ROBO2: variants seen among roughly 807,000 people sequenced by gnomAD.
ROBO2 encodes the protein roundabout guidance receptor 2.
ROBO2 carries 53 observed loss-of-function variants against 160.8 expected under a neutral mutation model. That is an observed-to-expected ratio of 0.33 (90% confidence interval 0.26 to 0.41). The LOEUF is 0.41. Ranked by LOEUF, ROBO2 falls within the 10% of genes least tolerant of loss-of-function variation. The pLI, the probability that ROBO2 is intolerant of heterozygous loss-of-function variation, is 1.00. For missense variants in ROBO2, 1,577 were observed against 1,722.4 expected (o/e 0.92, Z 1.49); for synonymous variants, 664 against 611.7 (o/e 1.09, Z -1.26).
intron 2 of ROBO2, among the ~76,000 whole-genome samples, chr3:75,990,942 C>T (rs977282037): frequency 6.6e-6 from 1 of 152,070 alleles, no homozygotes. Flanking sequence ...CACTGAGGTC[C>T]TAAATAGAAC....
chr3:77,231,781 G>A (rs192907350), intron 2 of ROBO2, among the ~76,000 whole-genome samples: 20 of 151,952 alleles, frequency 1.3e-4, no homozygotes, highest in Admixed American at 9.8e-4. Flanking sequence ...TTCTCTCCAC[G>A]GATTCTTTGT....
chr3:77,096,785 TTTTATTGCA>T (rs2071132231), intron 1 of ROBO2, among the ~76,000 whole-genome samples: 1 of 152,168 alleles, frequency 6.6e-6, no homozygotes. Context: ...ATGGCCCCAC[TTTTATTGCA>T]TTCACAGGGA....
intron 2 of ROBO2, among the ~76,000 whole-genome samples, chr3:76,442,081 T>C (rs2076948383): frequency 6.6e-6 from 1 of 152,146 alleles, no homozygotes. Flanking sequence ...GACCATTTTC[T>C]CACAGGGCAG....
At chr3:76,104,755 C>A (rs542412744) in intron 2 of ROBO2, among the ~76,000 whole-genome samples, 7 of 152,208 alleles carry the variant, frequency 4.6e-5, no homozygotes, top group African/African-American at 1.7e-4. Context: ...TGATGGAGGG[C>A]TAATTAGATG....
At chr3:75,952,592 T>G (rs1477898257) in intron 2 of ROBO2, among the ~76,000 whole-genome samples, 2 of 151,982 alleles carry the variant, frequency 1.3e-5, no homozygotes, top group Admixed American at 6.6e-5. Flanking sequence ...CTTGCGATAG[T>G]GTGGTACATT....
At chr3:77,580,674 A>T (rs2093894252) in intron 16 of ROBO2, among the ~76,000 whole-genome samples, 1 of 152,132 alleles carries the variant, frequency 6.6e-6, no homozygotes, top group African/African-American at 2.4e-5. Context: ...GTGATTTTTT[A>T]AATCTGGTTT....
chr3:76,981,520 T>C (rs551914685), intron 2 of ROBO2, among the ~76,000 whole-genome samples: 12 of 152,334 alleles, frequency 7.9e-5, no homozygotes, highest in African/African-American at 2.9e-4. Flanking sequence ...ATTTTTGTTT[T>C]TATTATTGAG....
chr3:77,143,204 T>A (rs1032832300), intron 2 of ROBO2, among the ~76,000 whole-genome samples: 3 of 110,164 alleles, frequency 2.7e-5, no homozygotes, highest in South Asian at 3.5e-4. Context: ...TTTTTTTTTT[T>A]AGATGGAGTC....
At chr3:76,910,745 GAA>G (rs1217583722) in intron 2 of ROBO2, among the ~76,000 whole-genome samples, 1 of 56,508 alleles carries the variant, frequency 1.8e-5, no homozygotes, top group Non-Finnish European at 3.6e-5. Flanking sequence ...AAAAAAAAAA[GAA>G]AAAAAAAGAA....
At chr3:76,621,016 G>A (rs1403371606) in intron 2 of ROBO2, among the ~76,000 whole-genome samples, 3 of 152,224 alleles carry the variant, frequency 2.0e-5, no homozygotes, top group East Asian at 1.9e-4. Flanking sequence ...ACTCTGTTGC[G>A]ATTTTCAGTC....
At chr3:76,324,052 A>C (rs568031277) in intron 2 of ROBO2, among the ~76,000 whole-genome samples, 1 of 152,194 alleles carries the variant, frequency 6.6e-6, no homozygotes, top group African/African-American at 2.4e-5. Context: ...ACAATGATCT[A>C]TCATTATCAC....
At chr3:75,930,245 C>T (rs185371028) in intron 1 of ROBO2, among the ~76,000 whole-genome samples, 26 of 152,254 alleles carry the variant, frequency 1.7e-4, no homozygotes, top group African/African-American at 5.5e-4. Context: ...GGACATCACT[C>T]CTTGCCAGCT....
chr3:77,565,593 T>A (rs1056358404), intron 12 of ROBO2, among the ~76,000 whole-genome samples: 4 of 152,018 alleles, frequency 2.6e-5, no homozygotes, highest in Non-Finnish European at 5.9e-5. Flanking sequence ...GAAACACACA[T>A]TTTCAGGCTC....
intron 1 of ROBO2, among the ~76,000 whole-genome samples, chr3:77,045,484 C>A (rs2064555962): frequency 6.6e-6 from 1 of 152,192 alleles, no homozygotes; most frequent in Non-Finnish European, 1.5e-5. Flanking sequence ...CCAGTGCTTG[C>A]ATCAGTGCTT....
chr3:77,008,049 A>G (rs935012539), intron 2 of ROBO2, among the ~76,000 whole-genome samples: 3 of 152,066 alleles, frequency 2.0e-5, no homozygotes, highest in Non-Finnish European at 4.4e-5. Flanking sequence ...ATTATTTCCC[A>G]TCAGGGAACT....
rs548803296 is a variant in ROBO2, at chr3:75,990,968, G to A, written c.109+53366G>A. ...TAAATAGAACAAAAAGGTAGACTAA[G>A]TGTGAATTTGCTCTAACTGGGACAT... On this transcript the variant is annotated intron_variant, in intron 2 of 26. Coordinates refer to the ROBO2 transcript ENST00000487694. Among the ~76,000 whole-genome samples, 17 of 152,254 alleles carry A rather than the reference G, an allele frequency of 1.1e-4. No homozygotes were observed. In the East Asian group the frequency reaches 1.2e-3, roughly 10 times the overall value.
chr3:76,759,706 T>C (rs1382801441), intron 2 of ROBO2, among the ~76,000 whole-genome samples: 1 of 149,418 alleles, frequency 6.7e-6, no homozygotes, highest in Admixed American at 6.6e-5. Flanking sequence ...TCAGGGGGTA[T>C]TAGAAAGTGA....
At chr3:77,234,978 T>C (rs145654000) in intron 2 of ROBO2, among the ~76,000 whole-genome samples, 69 of 152,298 alleles carry the variant, frequency 4.5e-4, no homozygotes, top group Admixed American at 2.6e-3. Flanking sequence ...TGAAGATATA[T>C]ATATAATTTT....
At chr3:76,533,251 G>A (rs2082320816) in intron 2 of ROBO2, among the ~76,000 whole-genome samples, 1 of 152,238 alleles carries the variant, frequency 6.6e-6, no homozygotes. Flanking sequence ...CACAACGCCT[G>A]TCAGGCATTG....
Sources: gnomAD v4.1 joint callset for allele counts (sites outside exome capture counted in the v4.1 genomes callset) on GRCh38, gnomAD v4.1.1 for gene constraint, MANE v1.5 for transcripts, NCBI Gene and HGNC (gene_info 2026-07-23, HGNC 2026-07-21) for gene names.